Variants in GRM5 observed in about 807,000 individuals in gnomAD.
GRM5 encodes metabotropic glutamate receptor 5.
GRM5 carries 19 observed loss-of-function variants against 83.1 expected under a neutral mutation model. The observed-to-expected ratio is 0.23, with a 90% CI of 0.16 to 0.34. The LOEUF is 0.34. Ranked by LOEUF, GRM5 falls within the 10% of genes least tolerant of loss-of-function variation. The pLI is 1.00. For missense variants in GRM5, 1,160 were observed against 1,588.3 expected (o/e 0.73, Z 4.58); for synonymous variants, 675 against 633.6 (o/e 1.07, Z -0.98).
At chr11:88,844,056 A>G (rs569081891) in intron 3 of GRM5, among the ~76,000 whole-genome samples, 1 of 152,344 alleles carries the variant, frequency 6.6e-6, no homozygotes, top group African/African-American at 2.4e-5. Flanking sequence ...TTTTCAATGC[A>G]GACAAAACAG....
At chr11:88,522,603 C>CTCTCTCTCTCTG (rs1206475339) in intron 9 of GRM5, among the ~76,000 whole-genome samples, 102 of 127,286 alleles carry the variant, frequency 8.0e-4, no homozygotes, top group African/African-American at 2.3e-3. Flanking sequence ...CTCTCTCTCT[C>CTCTCTCTCTCTG]TGTGTGTGTG....
At chr11:89,049,969 T>C (rs2135154579) in intron 1 of GRM5, among the ~76,000 whole-genome samples, 1 of 152,312 alleles carries the variant, frequency 6.6e-6, no homozygotes, top group East Asian at 1.9e-4. Context: ...CAATTTCTTA[T>C]TAAATCAGAA....
rs749391192 is a variant in GRM5 at position 88,850,107 on chromosome 11, T to C, written c.710A>G (p.Lys237Arg). The change falls in exon 3 of 10, where the codon AAG becomes AGG. Residue 237 changes from lysine (K) to arginine (R), a missense_variant. Around this residue, in one of 9 missense-constraint regions of GRM5, gnomAD observed 84 missense variants for 231.0 expected, o/e 0.36. Transcript: ENST00000305447. ...AGAGTGGGCGATGCAAATCCCTTCC[T>C]TCGCTGACATATCTTTGAAGGCTTC... ...GMEAFKDMSA[K>R]EGICIAHSYK... The C allele has an allele frequency of 7.2e-6, 10 of 1,380,332 alleles. No individual in the cohort carries two copies. In the South Asian group the frequency reaches 1.2e-4, roughly 16 times the overall value. The allele number at this position is 1,380,332 out of a possible 1,614,324, so 85.5% of individuals were successfully genotyped here. A position where few individuals can be genotyped will look rare whatever the true frequency, so the allele number is the denominator to read the frequency against.
At chr11:89,043,953 C>T (rs745563842) in intron 2 of GRM5, among the ~76,000 whole-genome samples, 31 of 152,084 alleles carry the variant, frequency 2.0e-4, no homozygotes, top group Non-Finnish European at 3.2e-4. Context: ...GTCAAAGTGT[C>T]AGAAGGCCAG....
chr11:88,964,964 T>G (rs945832359), intron 2 of GRM5, among the ~76,000 whole-genome samples: 8 of 152,208 alleles, frequency 5.3e-5, no homozygotes, highest in Admixed American at 1.3e-4. Flanking sequence ...ACTCAAGTGG[T>G]CAGAAAAAGA....
At chr11:88,884,404 G>C (rs566297119) in intron 2 of GRM5, among the ~76,000 whole-genome samples, 179 of 152,304 alleles carry the variant, frequency 1.2e-3, no homozygotes, top group Non-Finnish European at 1.6e-3. Context: ...CTGTGTCTAG[G>C]AAGTAAGTAA....
intron 2 of GRM5, among the ~76,000 whole-genome samples, chr11:88,989,604 C>G (rs1442887528): frequency 1.0e-4 from 14 of 137,110 alleles, no homozygotes; most frequent in East Asian, 4.2e-4. Context: ...TGACCACATA[C>G]TTGGAAGTAA....
At chr11:88,946,942 T>C (rs1938300715) in intron 2 of GRM5, among the ~76,000 whole-genome samples, 1 of 152,250 alleles carries the variant, frequency 6.6e-6, no homozygotes, top group South Asian at 2.1e-4. Context: ...ATTATTTTTG[T>C]GCTTTAATCA....
chr11:88,854,077 T>TATATATAC (rs927592084), intron 2 of GRM5, among the ~76,000 whole-genome samples: 2 of 149,358 alleles, frequency 1.3e-5, no homozygotes, highest in African/African-American at 5.0e-5. Context: ...TATATATATA[T>TATATATAC]ACACAATGAA....
At chr11:89,054,091 A>C (rs1941820877) in intron 1 of GRM5, among the ~76,000 whole-genome samples, 1 of 152,198 alleles carries the variant, frequency 6.6e-6, no homozygotes, top group South Asian at 2.1e-4. Context: ...ATTCTACCTA[A>C]AATTTTAACA....
chr11:88,519,548 T>A (rs916953412), intron 9 of GRM5, among the ~76,000 whole-genome samples: 1 of 152,146 alleles, frequency 6.6e-6, no homozygotes, highest in African/African-American at 2.4e-5. Flanking sequence ...ATCATGCAGA[T>A]AAAGCATTTG....
chr11:88,919,377 A>T (rs1254657516), intron 2 of GRM5, among the ~76,000 whole-genome samples: 1 of 150,308 alleles, frequency 6.7e-6, no homozygotes, highest in African/African-American at 2.4e-5. Context: ...TGCGCCTAAC[A>T]CTAGAGAACA....
At chr11:88,870,559 A>G (rs971845098) in intron 2 of GRM5, among the ~76,000 whole-genome samples, 7 of 151,508 alleles carry the variant, frequency 4.6e-5, no homozygotes, top group Non-Finnish European at 1.0e-4. Flanking sequence ...AGGGCTAAGT[A>G]ATGCATAAAA....
chr11:88,913,151 A>G (rs2135613777), intron 2 of GRM5, among the ~76,000 whole-genome samples: 1 of 152,282 alleles, frequency 6.6e-6, no homozygotes, highest in East Asian at 1.9e-4. Context: ...TTGGTATTAA[A>G]TAGGTTTGTT....
chr11:88,689,128 C>T (rs896339960), intron 3 of GRM5, among the ~76,000 whole-genome samples: 1 of 152,074 alleles, frequency 6.6e-6, no homozygotes, highest in Non-Finnish European at 1.5e-5. Context: ...AAATAGGCTA[C>T]TCAATGTTTC....
chr11:88,714,035 A>T (rs1392092418), intron 3 of GRM5, among the ~76,000 whole-genome samples: 2 of 152,026 alleles, frequency 1.3e-5, no homozygotes, highest in Non-Finnish European at 2.9e-5. Flanking sequence ...TTTTGAGTTC[A>T]AATAGGTGGA....
chr11:88,962,710 T>A (rs1938821604), intron 2 of GRM5, among the ~76,000 whole-genome samples: 1 of 152,054 alleles, frequency 6.6e-6, no homozygotes, highest in Non-Finnish European at 1.5e-5. Flanking sequence ...ACCTACAGTA[T>A]CTTACAGTCT....
At chr11:88,990,814 C>A (rs1012322003) in intron 2 of GRM5, among the ~76,000 whole-genome samples, 5 of 151,070 alleles carry the variant, frequency 3.3e-5, no homozygotes, top group African/African-American at 4.9e-5. Flanking sequence ...ATTCAACAAC[C>A]CTTCATGCTA....
intron 1 of GRM5, among the ~76,000 whole-genome samples, chr11:89,065,309 C>T (rs1018444719): frequency 6.1e-5 from 9 of 147,774 alleles, no homozygotes; most frequent in African/African-American, 2.0e-4. Context: ...CACACACACA[C>T]ACAGACAGAG....
Sources: gnomAD v4.1 joint callset for allele counts (sites outside exome capture counted in the v4.1 genomes callset) on GRCh38, gnomAD v4.1.1 for gene constraint, gnomAD v4.1.1 regional missense constraint, MANE v1.5 for transcripts, NCBI Gene and HGNC (gene_info 2026-07-23, HGNC 2026-07-21) for gene names.